DLG2: variants seen among roughly 807,000 people sequenced by gnomAD.
DLG2 encodes the protein discs large MAGUK scaffold protein 2.
DLG2 carries 45 observed loss-of-function variants against 132.5 expected under a neutral mutation model. The ratio of observed to expected loss-of-function variants is 0.34; its 90% CI spans 0.27 to 0.44. DLG2 has a LOEUF of 0.44. DLG2 is among the 20% of genes least tolerant of loss of function. The pLI is 1.00. For missense variants in DLG2, 1,045 were observed against 1,196.9 expected, an observed-to-expected ratio of 0.87 and a Z score of 1.87; for synonymous variants, 424 against 419.6, an observed-to-expected ratio of 1.01 and a Z score of -0.13.
intron 6 of DLG2, among the ~76,000 whole-genome samples, chr11:84,748,922 C>T (rs903040663): frequency 6.6e-6 from 1 of 152,186 alleles, no homozygotes; most frequent in Admixed American, 6.5e-5. Flanking sequence ...ATAATCGCAG[C>T]ACTTTGGAAG....
intron 17 of DLG2, among the ~76,000 whole-genome samples, chr11:83,825,070 C>T (rs1233070322): frequency 1.4e-5 from 2 of 145,266 alleles, no homozygotes; most frequent in African/African-American, 5.1e-5. Flanking sequence ...TTTATATATA[C>T]ACATATATAT....
At chr11:84,781,137 T>C (rs978806549) in intron 6 of DLG2, among the ~76,000 whole-genome samples, 1 of 151,684 alleles carries the variant, frequency 6.6e-6, no homozygotes, top group African/African-American at 2.4e-5. Context: ...CAAATGTGGA[T>C]GGAGCACAGA....
intron 6 of DLG2, among the ~76,000 whole-genome samples, chr11:84,587,674 G>T (rs1179898723): frequency 2.6e-5 from 4 of 152,100 alleles, no homozygotes; most frequent in Admixed American, 6.5e-5. Flanking sequence ...ATCACTTAGT[G>T]GGCAGGTTTA....
chr11:83,974,056 G>A (rs1218085811), intron 12 of DLG2, among the ~76,000 whole-genome samples: 1 of 152,066 alleles, frequency 6.6e-6, no homozygotes, highest in African/African-American at 2.4e-5. Flanking sequence ...ATGAGGTGTT[G>A]TAGGCAAAAG....
intron 22 of DLG2, among the ~76,000 whole-genome samples, chr11:83,474,308 C>A (rs2092398305): frequency 6.6e-6 from 1 of 152,080 alleles, no homozygotes; most frequent in African/African-American, 2.4e-5. Flanking sequence ...TGATTACTAA[C>A]CCCCAGTTAT....
At chr11:84,494,718 A>G (rs1010134747) in intron 7 of DLG2, among the ~76,000 whole-genome samples, 44 of 152,298 alleles carry the variant, frequency 2.9e-4, no homozygotes, top group African/African-American at 1.1e-3. Context: ...AGCAGACCCT[A>G]AAGCATGACT....
chr11:84,576,115 G>T (rs1047300247), intron 6 of DLG2, among the ~76,000 whole-genome samples: 7 of 152,098 alleles, frequency 4.6e-5, no homozygotes, highest in Admixed American at 1.3e-4. Context: ...AAACTTATTA[G>T]CACTTTTCCT....
intron 7 of DLG2, among the ~76,000 whole-genome samples, chr11:84,452,848 T>G (rs999468690): frequency 2.6e-5 from 4 of 151,530 alleles, no homozygotes; most frequent in African/African-American, 9.7e-5. Context: ...GGAGTTTGAG[T>G]TCAGCCTCTA....
At chr11:85,232,037 C>T (rs1344500791) in intron 4 of DLG2, among the ~76,000 whole-genome samples, 1 of 151,754 alleles carries the variant, frequency 6.6e-6, no homozygotes, top group Non-Finnish European at 1.5e-5. Context: ...TAGTATCTTA[C>T]CCTGCAAATT....
At chr11:84,258,399 C>A (rs1352269196) in intron 7 of DLG2, among the ~76,000 whole-genome samples, 2 of 151,978 alleles carry the variant, frequency 1.3e-5, no homozygotes, top group African/African-American at 4.8e-5. Flanking sequence ...ATGACATAAC[C>A]CAGATCTCAC....
At chr11:84,512,490 G>A (rs2099259744) in intron 7 of DLG2, among the ~76,000 whole-genome samples, 1 of 152,074 alleles carries the variant, frequency 6.6e-6, no homozygotes, top group Non-Finnish European at 1.5e-5. Context: ...CTGACTTGAA[G>A]CTCCTTTTGA....
intron 3 of DLG2, among the ~76,000 whole-genome samples, chr11:85,502,768 G>C (rs2093834953): frequency 6.6e-6 from 1 of 152,082 alleles, no homozygotes; most frequent in Admixed American, 6.6e-5. Flanking sequence ...ATATACCTAT[G>C]TAACAAACCC....
intron 18 of DLG2, among the ~76,000 whole-genome samples, chr11:83,677,025 A>G (rs552974816): frequency 2.6e-5 from 4 of 152,208 alleles, no homozygotes; most frequent in African/African-American, 9.6e-5. Context: ...TTTCCCAAGT[A>G]TTTTGCATTT....
At chr11:84,641,444 G>A (rs1245582233) in intron 6 of DLG2, among the ~76,000 whole-genome samples, 1 of 152,110 alleles carries the variant, frequency 6.6e-6, no homozygotes, top group Non-Finnish European at 1.5e-5. Context: ...CCGGAGATGG[G>A]CTTCTCAAAG....
rs113832478 is a variant in DLG2, at chr11:85,000,067, C to T, written c.357+111594G>A. Among the ~76,000 whole-genome samples, 564 of 152,164 alleles carry T rather than the reference C, an allele frequency of 3.7e-3. 3 individuals carry two copies. Among genetic ancestry groups the T allele is most frequent in the African/African-American group, 0.013 (522 of 41,522 alleles). On this transcript the variant is annotated intron_variant, in intron 6 of 27. Transcript: ENST00000376104. ...TTATGTCTCTTATCTCTAACATACCCGTGCATTCCTTTAAAATTACCAAGT... is the reference window on the plus strand; with the variant it reads ...TTATGTCTCTTATCTCTAACATACCTGTGCATTCCTTTAAAATTACCAAGT...
intron 9 of DLG2, among the ~76,000 whole-genome samples, chr11:84,125,285 T>C (rs918898192): frequency 1.3e-5 from 2 of 152,196 alleles, no homozygotes; most frequent in African/African-American, 4.8e-5. Context: ...CTTATAATAC[T>C]ACAAATCCAA....
intron 6 of DLG2, among the ~76,000 whole-genome samples, chr11:84,869,976 C>T (rs183528441): frequency 2.0e-5 from 3 of 152,314 alleles, no homozygotes; most frequent in Admixed American, 2.0e-4. Flanking sequence ...CATGTGTCAG[C>T]ACAAAGATGG....
chr11:84,264,289 T>TA (rs896606573), intron 7 of DLG2, among the ~76,000 whole-genome samples: 37 of 152,324 alleles, frequency 2.4e-4, no homozygotes, highest in African/African-American at 8.7e-4. Context: ...AACCAGTTCC[T>TA]AGCCCCACAG....
At chr11:85,426,164 C>T (rs181636370) in intron 3 of DLG2, among the ~76,000 whole-genome samples, 2 of 152,182 alleles carry the variant, frequency 1.3e-5, no homozygotes, top group Admixed American at 6.5e-5. Flanking sequence ...TAGAGCCCAC[C>T]GCAGCTCAAG....
Sources: gnomAD v4.1 joint callset for allele counts (sites outside exome capture counted in the v4.1 genomes callset) on GRCh38, gnomAD v4.1.1 for gene constraint, MANE v1.5 for transcripts, NCBI Gene and HGNC (gene_info 2026-07-23, HGNC 2026-07-21) for gene names.